The following SEPTIN9 variants were observed in gnomAD, a reference collection of about 807,000 sequenced individuals.
SEPTIN9 encodes septin 9, also known as septin-9.
Under a neutral mutation model 56.6 loss-of-function variants are expected in SEPTIN9, and 13 were observed. That is an observed-to-expected ratio of 0.23 (90% CI 0.15 to 0.37). The LOEUF (loss-of-function observed/expected upper bound fraction) is 0.37, where lower values mean the gene tolerates loss of function less well. Ranked by LOEUF, SEPTIN9 falls within the 10% of genes least tolerant of loss-of-function variation. SEPTIN9 has a pLI of 1.00. For synonymous variants in SEPTIN9, 332 were observed against 334.1 expected (o/e 0.99, Z 0.07); for missense variants, 650 against 823.1 (o/e 0.79, Z 2.57).
intron 3 of SEPTIN9, among the ~76,000 whole-genome samples, chr17:77,408,592 C>T (rs1191260733): frequency 6.7e-6 from 1 of 149,810 alleles, no homozygotes; most frequent in Non-Finnish European, 1.5e-5. Context: ...AATCAAAGCA[C>T]AGGGCTCCCT....
chr17:77,432,959 T>G (rs1208960034), intron 3 of SEPTIN9, among the ~76,000 whole-genome samples: 5 of 151,956 alleles, frequency 3.3e-5, no homozygotes, highest in African/African-American at 4.8e-5. Context: ...TGGGGGTGGG[T>G]AGTGGTGTCT....
At chr17:77,386,095 C>T (rs1366955874) in intron 2 of SEPTIN9, among the ~76,000 whole-genome samples, 2 of 151,668 alleles carry the variant, frequency 1.3e-5, no homozygotes, top group African/African-American at 4.8e-5. Flanking sequence ...TCCTGCATGC[C>T]ACGTGCAGAC....
chr17:77,360,915 C>CTTTT (rs34718935), intron 2 of SEPTIN9, among the ~76,000 whole-genome samples: 21 of 76,792 alleles, frequency 2.7e-4, no homozygotes, highest in African/African-American at 1.0e-3. Flanking sequence ...GTCTTTCATC[C>CTTTT]TTTTTTTTTT....
intron 2 of SEPTIN9, among the ~76,000 whole-genome samples, chr17:77,349,931 G>T (rs2034004138): frequency 6.6e-6 from 1 of 152,222 alleles, no homozygotes; most frequent in African/African-American, 2.4e-5. Context: ...AAGTTGCCAT[G>T]AGTGTGTAAA....
chr17:77,397,873 A>G (rs1041811481), intron 2 of SEPTIN9, among the ~76,000 whole-genome samples: 1 of 151,174 alleles, frequency 6.6e-6, no homozygotes, highest in Non-Finnish European at 1.5e-5. Flanking sequence ...CTGGTTTCGA[A>G]CTCCTGACCT....
chr17:77,408,452 C>CCA (rs2036170369), intron 3 of SEPTIN9, among the ~76,000 whole-genome samples: 1 of 152,158 alleles, frequency 6.6e-6, no homozygotes, highest in African/African-American at 2.4e-5. Flanking sequence ...TCAGGCCCCC[C>CCA]CGAGCTGATG....
chr17:77,339,775 A>G (rs908032139), intron 2 of SEPTIN9, among the ~76,000 whole-genome samples: 1 of 150,328 alleles, frequency 6.7e-6, no homozygotes, highest in African/African-American at 2.5e-5. Flanking sequence ...CTCTCAAAGC[A>G]TTGGGACTAC....
intron 10 of SEPTIN9, 56 bp from the exon 11 acceptor site, chr17:77,497,259 G>A: frequency 6.5e-7 from 1 of 1,541,730 alleles, no homozygotes. Flanking sequence ...GAGAGGTGGG[G>A]TCCGGGCAGA....
intron 3 of SEPTIN9, chr17:77,404,962 C>T (rs2036014906): frequency 1.1e-6 from 1 of 903,690 alleles, no homozygotes; most frequent in Non-Finnish European, 1.6e-6. Context: ...CCCCTGCCTT[C>T]TGTTGGTGCA....
rs528597870 is a variant in SEPTIN9 at position 77,391,016 on chromosome 17, CAGG to C, written c.77-11040_77-11038del. ...AAGCTCTGCGGCTGATGGGACCGAG[CAGG>C]AGAAGGGCCGGCGGAGGCTGGGGCA... is the stretch of plus-strand genomic sequence containing the variant. On this transcript the variant is annotated intron_variant, in intron 2 of 11. Transcript: ENST00000427177. Among the ~76,000 whole-genome samples the C allele has an allele frequency of 1.4e-4, 22 of 152,304 alleles. No homozygotes were observed. In the South Asian group the frequency reaches 1.4e-3, roughly 10 times the overall value.
intron 1 of SEPTIN9, among the ~76,000 whole-genome samples, chr17:77,303,805 C>T (rs1416598681): frequency 6.6e-6 from 1 of 152,062 alleles, no homozygotes; most frequent in Non-Finnish European, 1.5e-5. Flanking sequence ...TGAGTAAGCA[C>T]CATCTCTGTC....
In SEPTIN9 at chr17:77,389,788, C is replaced by T. The variant is rs1359815907; in HGVS notation, c.77-12271C>T. 1.3e-5 allele frequency among the ~76,000 whole-genome samples: 2 copies of T among 152,184 alleles called. No individual in the cohort carries two copies. The highest frequency in any genetic ancestry group is 6.5e-5 in the Admixed American group (1 of 15,286). On this transcript the variant is annotated intron_variant, in intron 2 of 11. Coordinates refer to ENST00000427177, the MANE Select transcript of SEPTIN9 (RefSeq NM_001113491.2). The surrounding 1 kb of genome is among the most constrained non-coding windows in gnomAD (Gnocchi z 4.3). ...CTGCCTCACATCTCTTCCCCTGCGGCTTCCGCCCATTTCCCCTCAATCTGC... is the reference window on the plus strand; with the variant it reads ...CTGCCTCACATCTCTTCCCCTGCGGTTTCCGCCCATTTCCCCTCAATCTGC...
chr17:77,479,163 TG>T (rs1473118121), intron 3 of SEPTIN9, among the ~76,000 whole-genome samples: 2 of 152,234 alleles, frequency 1.3e-5, no homozygotes, highest in Non-Finnish European at 2.9e-5. Context: ...GCAAACGTTA[TG>T]ACAATTAAAA....
intron 2 of SEPTIN9, chr17:77,373,147 G>A: frequency 9.9e-7 from 1 of 1,013,038 alleles, no homozygotes; most frequent in Non-Finnish European, 1.2e-6. Flanking sequence ...CGCTCCGGTC[G>A]TGTGCCCAGG....
chr17:77,496,515 C>G (rs1445877031), intron 10 of SEPTIN9: 2 of 152,236 alleles, frequency 1.3e-5, no homozygotes, highest in Non-Finnish European at 2.9e-5. Flanking sequence ...TGTTATATAA[C>G]AGTTACACAT....
At position 77,319,925 on chromosome 17, in the gene SEPTIN9, C is replaced by G. The variant is rs1439878592; in HGVS notation, c.76+12728C>G. The G allele has an allele frequency of 1.8e-6, 2 of 1,120,784 alleles. No homozygotes were observed. The highest frequency in any genetic ancestry group is 3.2e-5 in the African/African-American group (2 of 62,624). 69.4% of individuals were successfully genotyped at this position (1,120,784 alleles called of 1,614,324 possible). ...AGAGGAGGCTGCCGGAAGCCGCACT[C>G]GGGACCTCTGCAGCCACCGACCAGA... is the stretch of plus-strand genomic sequence containing the variant. On this transcript the variant is annotated intron_variant, in intron 2 of 11. Transcript: ENST00000427177. The surrounding 1 kb of genome is among the most constrained non-coding windows in gnomAD (Gnocchi z 5.3).
intron 2 of SEPTIN9, among the ~76,000 whole-genome samples, chr17:77,394,413 C>T (rs1362540284): frequency 2.0e-5 from 3 of 152,174 alleles, no homozygotes; most frequent in East Asian, 3.9e-4. Context: ...TGTCCGGCTT[C>T]CCTGAGCCCT....
rs72887156 is a variant in SEPTIN9 at position 77,456,001 on chromosome 17, C to G, written c.722-26143C>G. On this transcript the variant is annotated intron_variant, in intron 3 of 11. Transcript: ENST00000427177. The surrounding 1 kb of genome is among the most constrained non-coding windows in gnomAD (Gnocchi z 6.0). ...GCAGGGGACTGCCCTGGAAGATTCC[C>G]GGCACCGCTTCCCATGCGCCACGTG... 6.6e-6 allele frequency among the ~76,000 whole-genome samples: 1 copy of G among 152,300 alleles called. No individual in the cohort carries two copies. The highest frequency in any genetic ancestry group is 1.9e-4 in the East Asian group (1 of 5,176).
chr17:77,493,395 C>T (rs974233405), intron 10 of SEPTIN9, among the ~76,000 whole-genome samples: 5 of 152,172 alleles, frequency 3.3e-5, no homozygotes, highest in South Asian at 4.1e-4. Context: ...CTGGACAAAT[C>T]GCCCAACCTC....
Sources: gnomAD v4.1 joint callset for allele counts (sites outside exome capture counted in the v4.1 genomes callset) on GRCh38, gnomAD v4.1.1 for gene constraint, Gnocchi (gnomAD v3.1) non-coding constraint, MANE v1.5 for transcripts, NCBI Gene and HGNC (gene_info 2026-07-23, HGNC 2026-07-21) for gene names.